Variants in NUP214 observed in about 807,000 individuals in gnomAD.
NUP214 encodes nucleoporin 214.
A neutral mutation model predicts 196.2 loss-of-function variants in NUP214; 79 were observed. The ratio of observed to expected loss-of-function variants is 0.40; its 90% CI spans 0.34 to 0.49. The LOEUF (loss-of-function observed/expected upper bound fraction) is 0.49. NUP214 is among the 20% of genes least tolerant of loss of function. NUP214 has a pLI of 0.58. For missense variants in NUP214, 2,468 were observed against 2,539.0 expected, an observed-to-expected ratio of 0.97 and a Z score of 0.60; for synonymous variants, 1,020 against 990.5, an observed-to-expected ratio of 1.03 and a Z score of -0.56.
In NUP214 at chr9:131,233,713, G is replaced by T. The variant is rs1001529951; in HGVS notation, c.*226G>T. ...CAGTCTGTTTCCGTACAGAACGTATGTGGGTTTTTTCAGATCACAGCCAAG... is the reference window on the plus strand; with the variant it reads ...CAGTCTGTTTCCGTACAGAACGTATTTGGGTTTTTTCAGATCACAGCCAAG... On this transcript the variant is annotated 3_prime_UTR_variant, in exon 36 of 36. Coordinates refer to ENST00000359428, the MANE Select transcript of NUP214 (RefSeq NM_005085.4). 5.2e-6 allele frequency: 3 copies of T among 573,106 alleles called. No individual in the cohort carries two copies. The South Asian group carries it at 5.3e-5, about 10-fold the overall frequency. The allele number at this position is 573,106 out of a possible 1,614,324, so 35.5% of individuals were successfully genotyped here.
intron 13 of NUP214, among the ~76,000 whole-genome samples, chr9:131,147,089 C>G (rs577848273): frequency 4.6e-5 from 7 of 152,082 alleles, no homozygotes; most frequent in African/African-American, 1.4e-4. Context: ...TGGGCTCAAG[C>G]GATCTTCCCA....
chr9:131,156,437 TGG>T (rs1359207231), intron 17 of NUP214, among the ~76,000 whole-genome samples: 2 of 152,244 alleles, frequency 1.3e-5, no homozygotes, highest in East Asian at 3.9e-4. Context: ...CGGCTGAGCA[TGG>T]GATGTATTTC....
chr9:131,233,259 C>A (rs919915823), intron 35 of NUP214, among the ~76,000 whole-genome samples, 195 bp from the exon 36 acceptor site: 14 of 151,914 alleles, frequency 9.2e-5, no homozygotes, highest in Non-Finnish European at 1.6e-4. Flanking sequence ...GCACTTGAGC[C>A]CGAGAGACAG....
chr9:131,157,121 C>T (rs150580041), intron 17 of NUP214, among the ~76,000 whole-genome samples: 68 of 150,938 alleles, frequency 4.5e-4, no homozygotes, highest in African/African-American at 1.5e-3. Context: ...TACAAGTGTA[C>T]GCTACCACGT....
intron 9 of NUP214, among the ~76,000 whole-genome samples, chr9:131,137,674 C>T (rs1237930497): frequency 6.6e-6 from 1 of 151,728 alleles, no homozygotes; most frequent in Non-Finnish European, 1.5e-5. Flanking sequence ...CCTCAGCCTC[C>T]TAGTAGCTGG....
chr9:131,230,461 C>G, intron 33 of NUP214, 169 bp from the exon 34 acceptor site: 1 of 692,514 alleles, frequency 1.4e-6, no homozygotes, highest in South Asian at 1.9e-5. Context: ...TAAAAGTTGG[C>G]CCTGGGCGAT....
intron 22 of NUP214, among the ~76,000 whole-genome samples, 163 bp downstream of exon 22, chr9:131,174,481 C>G (rs563275397): frequency 8.7e-6 from 1 of 114,982 alleles, no homozygotes; most frequent in Non-Finnish European, 1.7e-5. Context: ...TGGAGTCTCA[C>G]TCTGTTGCCC....
chr9:131,132,115 C>CTT (rs142450352), intron 5 of NUP214, among the ~76,000 whole-genome samples: 3,189 of 107,982 alleles, frequency 0.03, 204 homozygotes, highest in Middle Eastern at 0.064. Flanking sequence ...CTTTTCTTTT[C>CTT]TTTCTTTTTT....
intron 3 of NUP214, 76 bp downstream of exon 3, chr9:131,128,559 G>GCTT: frequency 7.7e-7 from 1 of 1,303,908 alleles, no homozygotes; most frequent in Non-Finnish European, 1.0e-6. Flanking sequence ...CAACTTGGAA[G>GCTT]CTTCATAGGT....
intron 21 of NUP214, among the ~76,000 whole-genome samples, chr9:131,170,135 T>C (rs1349429760): frequency 1.3e-5 from 2 of 152,124 alleles, no homozygotes; most frequent in African/African-American, 4.8e-5. Context: ...CTGTACACTT[T>C]AAAATGTGAC....
At chr9:131,126,685 T>A (rs1260880322) in intron 1 of NUP214, among the ~76,000 whole-genome samples, 1 of 151,940 alleles carries the variant, frequency 6.6e-6, no homozygotes. Flanking sequence ...GTAGCTGGTA[T>A]TACAGGCGCC....
At chr9:131,145,364 A>G (rs958430520) in intron 12 of NUP214, among the ~76,000 whole-genome samples, 1 of 151,970 alleles carries the variant, frequency 6.6e-6, no homozygotes, top group African/African-American at 2.4e-5. Context: ...GAGGGAAGCA[A>G]TCCCTTATAT....
chr9:131,206,148 C>CTTTCTTTTTTTTTTTTTT (rs1834076230), intron 30 of NUP214, among the ~76,000 whole-genome samples: 1 of 76,388 alleles, frequency 1.3e-5, no homozygotes, highest in Non-Finnish European at 2.4e-5. Flanking sequence ...TTTCTTTTTT[C>CTTTCTTTTTTTTTTTTTT]TTTTTTTTTT....
chr9:131,163,552 T>C (rs1449100670), intron 19 of NUP214, among the ~76,000 whole-genome samples: 1 of 152,164 alleles, frequency 6.6e-6, no homozygotes, highest in African/African-American at 2.4e-5. Flanking sequence ...ATGGGGGGAC[T>C]TTCAGACCCT....
chr9:131,126,552 T>TTA (rs1266682944), intron 1 of NUP214: 1 of 144,026 alleles, frequency 6.9e-6, no homozygotes, highest in East Asian at 2.0e-4. Flanking sequence ...GAATAGTGAT[T>TTA]TTTTTTTTTT....
At position 131,197,915 on chromosome 9, in the gene NUP214, G is replaced by A. The variant is rs758212182; in HGVS notation, c.4421G>A (p.Gly1474Asp). ...ACATCATTCCCCACATTGTCATTTG[G>A]TAGCCTCCTGAGTTCAGCAACTACC... ...LPTSFPTLSFGSLLSSATTPS... is the reference protein window; with the variant it reads ...LPTSFPTLSFDSLLSSATTPS... The change falls in exon 29 of 36, where the codon GGT becomes GAT. Residue 1474 changes from glycine (G) to aspartate (D), a missense_variant. Physicochemically the swap from Gly to Asp is moderately conservative, Grantham distance 94. Transcript: ENST00000359428. 5.0e-6 allele frequency: 8 copies of A among 1,613,990 alleles called. No individual in the cohort carries two copies. The highest frequency in any genetic ancestry group is 6.8e-6 in the Non-Finnish European group (8 of 1,180,018).
At chr9:131,181,299 G>T (rs1833271997) in intron 24 of NUP214, among the ~76,000 whole-genome samples, 1 of 152,184 alleles carries the variant, frequency 6.6e-6, no homozygotes, top group Non-Finnish European at 1.5e-5. Context: ...AATGCTGGGG[G>T]AGTAGGTCAG....
chr9:131,161,681 A>G (rs1832639281), intron 18 of NUP214, among the ~76,000 whole-genome samples: 1 of 152,250 alleles, frequency 6.6e-6, no homozygotes, highest in South Asian at 2.1e-4. Flanking sequence ...CTGTTTAGCA[A>G]GCATTTTTCA....
At position 131,198,635 on chromosome 9, in the gene NUP214, G is replaced by A. The variant is rs1833860407; in HGVS notation, c.5141G>A (p.Gly1714Asp). Residue 1714 changes from glycine (G) to aspartate (D), a missense_variant, in exon 29 of 36, where the codon GGT (glycine) becomes GAT (aspartate). Gly to Asp is a moderately conservative substitution (Grantham distance 94). Coordinates refer to ENST00000359428, the MANE Select transcript of NUP214 (RefSeq NM_005085.4). ...TCAGGGTTTAGCAGCCCAGCTTTTG[G>A]TACCACAGCCCCAGGGGTCTTTGGA... is the stretch of plus-strand genomic sequence containing the variant. ...SSSGFSSPAF[G>D]TTAPGVFGQT... 1 of 1,614,218 alleles carries A rather than the reference G, an allele frequency of 6.2e-7. No individual in the cohort carries two copies.
Sources: gnomAD v4.1 joint callset for allele counts (sites outside exome capture counted in the v4.1 genomes callset) on GRCh38, gnomAD v4.1.1 for gene constraint, MANE v1.5 for transcripts, NCBI Gene and HGNC (gene_info 2026-07-23, HGNC 2026-07-21) for gene names.